RAB3GAP1: variants seen among roughly 807,000 people sequenced by gnomAD.
RAB3GAP1 encodes rab3 GTPase-activating protein catalytic subunit.
Under a neutral mutation model 130.7 loss-of-function variants are expected in RAB3GAP1, and 86 were observed. That is an observed-to-expected ratio of 0.66 (90% CI 0.55 to 0.79). The LOEUF (loss-of-function observed/expected upper bound fraction) is 0.79, where lower values mean the gene tolerates loss of function less well. RAB3GAP1 is among the 30% of genes least tolerant of loss of function. RAB3GAP1 has a pLI of 0.00. For missense variants in RAB3GAP1, 1,029 were observed against 1,169.4 expected, an observed-to-expected ratio of 0.88 and a Z score of 1.75; for synonymous variants, 367 against 401.7, an observed-to-expected ratio of 0.91 and a Z score of 1.03.
At chr2:135,164,551 C>G in intron 22 of RAB3GAP1, 43 bp from the exon 23 acceptor site, 1 of 1,479,338 alleles carries the variant, frequency 6.8e-7, no homozygotes, top group Non-Finnish European at 9.4e-7. Flanking sequence ...GTGGCCTGGA[C>G]AGCTCACTTT....
At chr2:135,156,445 ACT>A (rs1459317644) in intron 19 of RAB3GAP1, among the ~76,000 whole-genome samples, 3 of 152,160 alleles carry the variant, frequency 2.0e-5, no homozygotes, top group Non-Finnish European at 4.4e-5. Flanking sequence ...AAGTAAACAG[ACT>A]CTAATATCAT....
In RAB3GAP1 at chr2:135,168,874, G is replaced by C. The variant is rs1692750623; in HGVS notation, c.*93G>C. On this transcript the variant is annotated 3_prime_UTR_variant, in exon 24 of 24. Transcript: ENST00000264158. ...CAGGGAGAACCTGGGAGGTCCTGGA[G>C]AGGGCCCTGTCCAGTTGGGTGATCA... is the stretch of plus-strand genomic sequence containing the variant. 2.9e-5 allele frequency: 31 copies of C among 1,076,940 alleles called. No individual in the cohort carries two copies. The highest frequency in any genetic ancestry group is 4.3e-5 in the Non-Finnish European group (30 of 697,248). The allele number at this position is 1,076,940 out of a possible 1,614,324, so 66.7% of individuals were successfully genotyped here. A position where few individuals can be genotyped will look rare whatever the true frequency, so the allele number is the denominator to read the frequency against.
At chr2:135,052,403 C>T in intron 1 of RAB3GAP1, 27 bp from the exon 2 acceptor site, 1 of 1,614,126 alleles carries the variant, frequency 6.2e-7, no homozygotes, top group Non-Finnish European at 8.5e-7. Flanking sequence ...GGCTTAATTT[C>T]TTTTTCTCTC....
chr2:135,150,585 G>A, intron 18 of RAB3GAP1, 79 bp downstream of exon 18: 1 of 1,570,320 alleles, frequency 6.4e-7, no homozygotes, highest in Non-Finnish European at 8.7e-7. Context: ...CTGTAAAGTG[G>A]TATAAAGGCC....
At chr2:135,084,009 C>G (rs1336146775) in intron 3 of RAB3GAP1, among the ~76,000 whole-genome samples, 1 of 151,920 alleles carries the variant, frequency 6.6e-6, no homozygotes, top group Non-Finnish European at 1.5e-5. Context: ...CTTAGGGAGG[C>G]CAAGGCGGGT....
At chr2:135,122,825 G>A (rs189501649) in intron 8 of RAB3GAP1, among the ~76,000 whole-genome samples, 5 of 152,168 alleles carry the variant, frequency 3.3e-5, no homozygotes, top group Non-Finnish European at 4.4e-5. Context: ...GGGTTCAAGC[G>A]ATTCTCTTGC....
chr2:135,116,425 C>G (rs970866905), intron 7 of RAB3GAP1, among the ~76,000 whole-genome samples: 1 of 152,066 alleles, frequency 6.6e-6, no homozygotes, highest in African/African-American at 2.4e-5. Flanking sequence ...GCAACAGTAA[C>G]TGGTCAGTAT....
At chr2:135,058,180 G>GT (rs1689070268) in intron 3 of RAB3GAP1, 94 bp downstream of exon 3, 6 of 1,043,320 alleles carry the variant, frequency 5.8e-6, no homozygotes, top group Non-Finnish European at 8.8e-6. Context: ...TGAATTAAAT[G>GT]TTTTTTAAAG....
rs7568356 is a variant in RAB3GAP1, at chr2:135,074,946, T to G, written c.151-16052T>G. On this transcript the variant is annotated intron_variant, in intron 3 of 23. Transcript: ENST00000264158. ...AACAGAATGTTGTGCCAGCAGGTTG[T>G]TTGTGATTAGTTGTCTCTTGGAACA... 8.7e-3 allele frequency among the ~76,000 whole-genome samples: 1,317 copies of G among 152,232 alleles called. 19 individuals carry two copies. The highest frequency in any genetic ancestry group is 0.028 in the African/African-American group (1,183 of 41,514).
intron 19 of RAB3GAP1, among the ~76,000 whole-genome samples, chr2:135,158,277 A>G (rs903236179): frequency 3.9e-5 from 6 of 152,084 alleles, no homozygotes; most frequent in Non-Finnish European, 5.9e-5. Context: ...TTTAGTAACC[A>G]TGCTTTCCTC....
chr2:135,166,333 A>G (rs952282000), intron 23 of RAB3GAP1, among the ~76,000 whole-genome samples: 6 of 152,102 alleles, frequency 3.9e-5, no homozygotes, highest in African/African-American at 1.2e-4. Context: ...CTTTGACAAT[A>G]TAGGAACTTT....
chr2:135,112,118 C>G (rs1383123480), intron 5 of RAB3GAP1, among the ~76,000 whole-genome samples: 1 of 152,186 alleles, frequency 6.6e-6, no homozygotes, highest in African/African-American at 2.4e-5. Flanking sequence ...TGGCCCAGCC[C>G]CACCACTGAC....
At position 135,157,831 on chromosome 2, in the gene RAB3GAP1, C is replaced by CAA. The variant is rs58810979; in HGVS notation, c.2289+3972_2289+3973dup. Among the ~76,000 whole-genome samples the CAA allele has an allele frequency of 7.3e-4, 64 of 87,126 alleles. 1 individual carries two copies. The highest frequency in any genetic ancestry group is 1.1e-3 in the Non-Finnish European group (38 of 34,404). The allele number at this position is 87,126 out of a possible 152,430, so 57.2% of individuals were successfully genotyped here. A position where few individuals can be genotyped will look rare whatever the true frequency, so the allele number is the denominator to read the frequency against. ...TGGGTGACAGAGTGAGAATCCATCT[C>CAA]AAAAAAAAAAAAAAAAAACAAAAAC... On this transcript the variant is annotated intron_variant, in intron 19 of 23. Transcript: ENST00000264158.
chr2:135,080,506 C>T (rs999643277), intron 3 of RAB3GAP1, among the ~76,000 whole-genome samples: 3 of 152,162 alleles, frequency 2.0e-5, no homozygotes, highest in Non-Finnish European at 4.4e-5. Flanking sequence ...GCCCAAGTGC[C>T]TATTAGATCT....
At chr2:135,052,366 A>C in intron 1 of RAB3GAP1, 41 bp downstream of exon 1, 1 of 1,614,020 alleles carries the variant, frequency 6.2e-7, no homozygotes, top group East Asian at 2.2e-5. Context: ...TCACTATCTA[A>C]ATTCGTTCCT....
Position 135,132,887 on chromosome 2 carries a change from C to T in RAB3GAP1, c.1237-8C>T. 3 of 1,502,918 alleles carry T rather than the reference C, an allele frequency of 2.0e-6. No individual in the cohort carries two copies. The highest frequency in any genetic ancestry group is 1.1e-5 in the South Asian group (1 of 88,770). 93.1% of individuals were successfully genotyped at this position (1,502,918 alleles called of 1,614,324 possible). On this transcript the variant is annotated splice_region_variant and splice_polypyrimidine_tract_variant and intron_variant, in intron 13 of 23. Transcript: ENST00000264158. Reference sequence around the variant, plus strand: ...TAAAATGTGATTATTTTTTTCCTTTCCTTCAAGTTCTTATTCCCTGATGCT... The same window carrying T: ...TAAAATGTGATTATTTTTTTCCTTTTCTTCAAGTTCTTATTCCCTGATGCT...
At chr2:135,088,703 A>G (rs1465698040) in intron 3 of RAB3GAP1, among the ~76,000 whole-genome samples, 1 of 151,078 alleles carries the variant, frequency 6.6e-6, no homozygotes, top group African/African-American at 2.4e-5. Context: ...AAAAAAAAAA[A>G]AAAAAGAAAG....
At chr2:135,083,576 C>T (rs1007936442) in intron 3 of RAB3GAP1, among the ~76,000 whole-genome samples, 2 of 151,952 alleles carry the variant, frequency 1.3e-5, no homozygotes, top group Admixed American at 6.6e-5. Context: ...ATCCTCCTGC[C>T]TCAGCCTTCC....
intron 19 of RAB3GAP1, among the ~76,000 whole-genome samples, chr2:135,158,696 G>A (rs1334633276): frequency 1.3e-5 from 2 of 152,170 alleles, no homozygotes; most frequent in Admixed American, 1.3e-4. Flanking sequence ...AAATTGAAGA[G>A]CATCATCTTG....
Sources: allele counts gnomAD v4.1 joint callset (sites outside exome capture counted in the v4.1 genomes callset), GRCh38; gene constraint gnomAD v4.1.1; transcripts MANE v1.5; gene names NCBI Gene and HGNC (gene_info 2026-07-23, HGNC 2026-07-21).